IL10RB: variants seen among roughly 807,000 people sequenced by gnomAD.
IL10RB encodes interleukin 10 receptor subunit beta, also known as interleukin-10 receptor subunit beta.
IL10RB carries 30 observed loss-of-function variants against 38.7 expected under a neutral mutation model. That is an observed-to-expected ratio of 0.78 (90% confidence interval 0.58 to 1.05). IL10RB has a LOEUF of 1.05. IL10RB is among the 50% of genes least tolerant of loss of function. The pLI, the probability that IL10RB is intolerant of heterozygous loss-of-function variation, is 0.00. For synonymous variants in IL10RB, 142 were observed against 145.9 expected (o/e 0.97, Z 0.19); for missense variants, 328 against 397.1 (o/e 0.83, Z 1.48).
chr21:33,267,952 A>G (rs1989003149), intron 1 of IL10RB: 2 of 279,176 alleles, frequency 7.2e-6, no homozygotes, highest in Non-Finnish European at 1.4e-5. Context: ...CAGCATCTCC[A>G]ACCTAATGCA....
intron 1 of IL10RB, chr21:33,268,065 T>G: frequency 4.4e-6 from 2 of 450,970 alleles, no homozygotes; most frequent in Non-Finnish European, 7.7e-6. Flanking sequence ...ATCAAATGTA[T>G]CAGGAAGTCT....
At chr21:33,282,009 T>A (rs1413623428) in intron 4 of IL10RB, among the ~76,000 whole-genome samples, 1 of 152,086 alleles carries the variant, frequency 6.6e-6, no homozygotes, top group Non-Finnish European at 1.5e-5. Context: ...TTTGAAAAAA[T>A]TTGCATTGTA....
At chr21:33,292,068 A>G (rs1380519394) in intron 6 of IL10RB, among the ~76,000 whole-genome samples, 2 of 152,016 alleles carry the variant, frequency 1.3e-5, no homozygotes, top group Non-Finnish European at 2.9e-5. Context: ...GGGAGTTAAT[A>G]TGGGATGCAG....
At chr21:33,302,921 G>A (rs1206586216) in intron 1 of IL10RB, among the ~76,000 whole-genome samples, 1 of 152,210 alleles carries the variant, frequency 6.6e-6, no homozygotes, top group Non-Finnish European at 1.5e-5. Flanking sequence ...CTCACAGGGA[G>A]GCTCCCTCTC....
At chr21:33,273,367 C>T (rs1989114418) in intron 2 of IL10RB, among the ~76,000 whole-genome samples, 1 of 152,118 alleles carries the variant, frequency 6.6e-6, no homozygotes, top group Non-Finnish European at 1.5e-5. Context: ...ATACTGTAGT[C>T]CATTAAGTGT....
chr21:33,274,004 C>T (rs1989127045), intron 2 of IL10RB, among the ~76,000 whole-genome samples: 1 of 152,116 alleles, frequency 6.6e-6, no homozygotes, highest in African/African-American at 2.4e-5. Context: ...CAGCTTCTTC[C>T]AAACCCCTGT....
chr21:33,306,080 C>T (rs1028748070), intron 1 of IL10RB, among the ~76,000 whole-genome samples: 3 of 152,236 alleles, frequency 2.0e-5, no homozygotes, highest in Admixed American at 2.0e-4. Flanking sequence ...GATCTGCCCA[C>T]CTCGTCCTCC....
At chr21:33,272,806 C>T (rs2123568049) in intron 2 of IL10RB, among the ~76,000 whole-genome samples, 1 of 152,324 alleles carries the variant, frequency 6.6e-6, no homozygotes, top group East Asian at 1.9e-4. Flanking sequence ...GAGCCAATTA[C>T]ACCTCCTTGG....
chr21:33,304,578 A>T (rs1183882291), intron 1 of IL10RB, among the ~76,000 whole-genome samples: 3 of 152,186 alleles, frequency 2.0e-5, no homozygotes, highest in Non-Finnish European at 4.4e-5. Flanking sequence ...GAAAGCTTGC[A>T]AGGATCCCAA....
At chr21:33,268,023 C>G (rs1439680587) in intron 1 of IL10RB, 1 of 357,668 alleles carries the variant, frequency 2.8e-6, no homozygotes, top group Non-Finnish European at 5.3e-6. Context: ...GCTGCTTAAG[C>G]CCAAAATGGA....
intron 4 of IL10RB, among the ~76,000 whole-genome samples, chr21:33,282,197 G>C (rs1422989880): frequency 6.6e-6 from 1 of 152,024 alleles, no homozygotes; most frequent in African/African-American, 2.4e-5. Flanking sequence ...TGCAGTAGAG[G>C]CATATAGGCA....
chr21:33,299,119 C>G (rs2082978775), downstream of IL10RB, among the ~76,000 whole-genome samples: 1 of 152,204 alleles, frequency 6.6e-6, no homozygotes. Context: ...CTCGGACCCA[C>G]TCGCACCCCC....
At chr21:33,299,403 A>G (rs1460213557), downstream of IL10RB, among the ~76,000 whole-genome samples, 2 of 152,230 alleles carry the variant, frequency 1.3e-5, no homozygotes, top group African/African-American at 4.8e-5. Flanking sequence ...CAGACATTCT[A>G]GCAGAAAACA....
At chr21:33,281,507 G>A (rs1001453445) in intron 4 of IL10RB, among the ~76,000 whole-genome samples, 2 of 152,182 alleles carry the variant, frequency 1.3e-5, no homozygotes, top group Non-Finnish European at 2.9e-5. Flanking sequence ...CCTTCTGTGT[G>A]ACTTACCGAG....
At chr21:33,280,513 G>GA (rs1417894439) in intron 4 of IL10RB, among the ~76,000 whole-genome samples, 2 of 152,130 alleles carry the variant, frequency 1.3e-5, no homozygotes, top group Non-Finnish European at 2.9e-5. Flanking sequence ...GGAATTTAAT[G>GA]AAATAATAGA....
Position 33,279,021 on chromosome 21 carries a change from C to T in IL10RB, c.332-731C>T, listed in dbSNP as rs186244250. On this transcript the variant is annotated intron_variant, in intron 3 of 6. Coordinates refer to ENST00000290200, the MANE Select transcript of IL10RB (RefSeq NM_000628.5). The stretch of plus-strand genomic sequence containing the variant: ...TACAACAATGAACGAGACAAAATAC[C>T]TCATGGAGCATATATGTGCTAATCA... Among the ~76,000 whole-genome samples, 388 of 152,252 alleles carry T rather than the reference C, an allele frequency of 2.5e-3. 1 individual carries two copies. The highest frequency in any genetic ancestry group is 9.0e-3 in the African/African-American group (375 of 41,556).
chr21:33,288,017 T>G, intron 5 of IL10RB, 87 bp from the exon 6 acceptor site: 1 of 1,281,712 alleles, frequency 7.8e-7, no homozygotes, highest in Non-Finnish European at 1.1e-6. Flanking sequence ...AGGCTCTGTT[T>G]TCAGGGATTG....
At chr21:33,287,843 G>A (rs900138504) in intron 5 of IL10RB, among the ~76,000 whole-genome samples, 1 of 152,178 alleles carries the variant, frequency 6.6e-6, no homozygotes, top group Non-Finnish European at 1.5e-5. Flanking sequence ...GCCAGTAGTA[G>A]GTACAGTGGA....
At chr21:33,309,343 G>A (rs1052097555) in exon 2 of IL10RB, 12 of 152,208 alleles carry the variant, frequency 7.9e-5, no homozygotes, top group Non-Finnish European at 1.6e-4. Context: ...TTCTGAAACA[G>A]CAGAGAAGCT....
Sources: allele counts gnomAD v4.1 joint callset (sites outside exome capture counted in the v4.1 genomes callset), GRCh38; gene constraint gnomAD v4.1.1; transcripts MANE v1.5; gene names NCBI Gene and HGNC (gene_info 2026-07-23, HGNC 2026-07-21).